The following SAMD5 variants were observed in gnomAD, a reference collection of about 807,000 sequenced individuals.
SAMD5 encodes sterile alpha motif domain containing 5.
In SAMD5, 13 loss-of-function variants were observed where a neutral mutation model predicts 11.3. The observed-to-expected ratio is 1.15, with a 90% CI of 0.75 to 1.83. The LOEUF (loss-of-function observed/expected upper bound fraction) is 1.83. Among genes scored for constraint, SAMD5 ranks in the 40% most tolerant of loss-of-function variants. SAMD5 has a pLI of 0.00. For missense variants in SAMD5, 255 were observed against 239.1 expected (o/e 1.07, Z -0.44); for synonymous variants, 129 against 111.3 (o/e 1.16, Z -1.00).
chr6:147,733,160 G>A (rs574984968), intron 1 of SAMD5, among the ~76,000 whole-genome samples: 1 of 152,248 alleles, frequency 6.6e-6, no homozygotes, highest in South Asian at 2.1e-4. Flanking sequence ...AAATACCTGA[G>A]CAAGTTTACC....
At chr6:147,689,585 A>AT (rs1489542061) in intron 1 of SAMD5, among the ~76,000 whole-genome samples, 3 of 152,146 alleles carry the variant, frequency 2.0e-5, no homozygotes, top group African/African-American at 2.4e-5. Context: ...CTAAAGGGGC[A>AT]TTTTTTTCTA....
At position 147,685,466 on chromosome 6, in the gene SAMD5, C is replaced by T. The variant is rs1425144929; in HGVS notation, c.163-51851C>T. 6.6e-5 allele frequency among the ~76,000 whole-genome samples: 10 copies of T among 152,202 alleles called. 1 individual carries two copies. Among genetic ancestry groups the T allele is most frequent in the African/African-American group, 2.4e-4 (10 of 41,456 alleles). Reference sequence around the variant, plus strand: ...GGGATTATAGGCATGAGCCGCTACACCCAGCCAGTTCCTTTAATTTGAAGT... The same window carrying T: ...GGGATTATAGGCATGAGCCGCTACATCCAGCCAGTTCCTTTAATTTGAAGT... On this transcript the variant is annotated intron_variant, in intron 1 of 1. Transcript: ENST00000566741.
At chr6:147,625,548 T>A (rs1790038307) in intron 1 of SAMD5, among the ~76,000 whole-genome samples, 1 of 152,192 alleles carries the variant, frequency 6.6e-6, no homozygotes, top group Non-Finnish European at 1.5e-5. Flanking sequence ...AGTATAGATA[T>A]AAGGATATAT....
the SAMD5 span, among the ~76,000 whole-genome samples, chr6:147,787,262 T>C: frequency 6.6e-6 from 1 of 152,302 alleles, no homozygotes; most frequent in East Asian, 1.9e-4. Flanking sequence ...TGAAATAGAA[T>C]GGCTGTCCTC....
chr6:147,888,427 G>T, the SAMD5 span, among the ~76,000 whole-genome samples: 2 of 152,036 alleles, frequency 1.3e-5, no homozygotes, highest in African/African-American at 2.4e-5. Flanking sequence ...TGGGAAAAGG[G>T]CTGCATTTGC....
the SAMD5 span, among the ~76,000 whole-genome samples, chr6:147,873,108 G>C: frequency 6.6e-6 from 1 of 152,176 alleles, no homozygotes; most frequent in African/African-American, 2.4e-5. Context: ...GCCGGGTGCT[G>C]TGGCTCACGC....
chr6:147,532,064 C>CT, intron 1 of SAMD5, among the ~76,000 whole-genome samples: 2 of 152,186 alleles, frequency 1.3e-5, no homozygotes, highest in South Asian at 4.2e-4. Flanking sequence ...ATGTTTGTCT[C>CT]TTTTTTCATT....
At chr6:147,699,038 A>C (rs1033279433) in intron 1 of SAMD5, among the ~76,000 whole-genome samples, 1 of 152,088 alleles carries the variant, frequency 6.6e-6, no homozygotes, top group Non-Finnish European at 1.5e-5. Flanking sequence ...GTATTAGAGG[A>C]GGTTGGAGGC....
the SAMD5 span, among the ~76,000 whole-genome samples, chr6:147,798,689 A>T: frequency 1.3e-5 from 2 of 151,988 alleles, no homozygotes; most frequent in African/African-American, 4.8e-5. Context: ...CCCATTATTA[A>T]TGTGTGGGAG....
At chr6:147,718,339 C>A (rs774365429) in intron 1 of SAMD5, among the ~76,000 whole-genome samples, 1 of 152,062 alleles carries the variant, frequency 6.6e-6, no homozygotes, top group Non-Finnish European at 1.5e-5. Context: ...CTGGAGAATG[C>A]GGATGTCTCC....
At chr6:147,856,831 G>C in the SAMD5 span, among the ~76,000 whole-genome samples, 2 of 144,754 alleles carry the variant, frequency 1.4e-5, no homozygotes, top group Admixed American at 6.9e-5. Context: ...CGGGGGGGGG[G>C]GGAAGCTTGT....
the SAMD5 span, among the ~76,000 whole-genome samples, chr6:147,925,810 C>A: frequency 6.6e-6 from 1 of 150,622 alleles, no homozygotes; most frequent in Non-Finnish European, 1.5e-5. Flanking sequence ...CCAGTGGTTG[C>A]GTTTTCTGCT....
the SAMD5 span, among the ~76,000 whole-genome samples, chr6:147,951,570 TG>T: frequency 2.0e-5 from 3 of 152,138 alleles, no homozygotes; most frequent in African/African-American, 7.2e-5. Context: ...CACATCAAAA[TG>T]TGTCTACCGC....
chr6:147,789,137 A>T, the SAMD5 span, among the ~76,000 whole-genome samples: 2 of 151,810 alleles, frequency 1.3e-5, no homozygotes, highest in African/African-American at 4.8e-5. Context: ...ACACTGGGTC[A>T]TGCCCGTAAT....
chr6:147,567,325 G>T lies in SAMD5; in HGVS notation c.*2869G>T. ...ATTTCTCAGTTCAGAGATATTTATA[G>T]CATCTTGGTGTTATGCAATAAACAA... On this transcript the variant is annotated 3_prime_UTR_variant, in exon 2 of 2. Transcript: ENST00000367474. 1 of 985,298 alleles carries T rather than the reference G, an allele frequency of 1.0e-6. No homozygotes were observed. The highest frequency in any genetic ancestry group is 1.2e-6 in the Non-Finnish European group (1 of 829,836). 61.0% of individuals were successfully genotyped at this position (985,298 alleles called of 1,614,324 possible).
At chr6:147,896,122 T>TG in the SAMD5 span, among the ~76,000 whole-genome samples, 4 of 152,218 alleles carry the variant, frequency 2.6e-5, no homozygotes, top group Non-Finnish European at 5.9e-5. Context: ...CTGAGGACTT[T>TG]GGGGAACTTT....
chr6:147,938,915 T>A, the SAMD5 span, among the ~76,000 whole-genome samples: 553 of 146,046 alleles, frequency 3.8e-3, 2 homozygotes, highest in African/African-American at 0.014. Flanking sequence ...AGTTCTCACA[T>A]GAACCCCACA....
intron 1 of SAMD5, among the ~76,000 whole-genome samples, chr6:147,554,299 A>T (rs957591637): frequency 1.3e-5 from 2 of 152,128 alleles, no homozygotes; most frequent in Non-Finnish European, 2.9e-5. Context: ...AGAATTTAAG[A>T]TAAGTTTTGG....
chr6:147,939,810 ATT>A, the SAMD5 span, among the ~76,000 whole-genome samples: 141 of 147,118 alleles, frequency 9.6e-4, 1 homozygote, highest in Middle Eastern at 0.011. Flanking sequence ...ATACCCCAGC[ATT>A]TTTTTTTTTT....
Sources: allele counts gnomAD v4.1 joint callset (sites outside exome capture counted in the v4.1 genomes callset), GRCh38; gene constraint gnomAD v4.1.1; transcripts MANE v1.5; gene names NCBI Gene and HGNC (gene_info 2026-07-23, HGNC 2026-07-21).